The following ZNF680 variants were observed in gnomAD, a reference collection of about 807,000 sequenced individuals.
The protein encoded by ZNF680 is hypothetical protein FLJ90430.
ZNF680 carries 6 observed loss-of-function variants against 12.1 expected under a neutral mutation model. The observed-to-expected ratio is 0.49, with a 90% confidence interval of 0.27 to 0.98. The LOEUF is 0.98. Among genes scored for constraint, ZNF680 ranks in the 50% least tolerant of loss-of-function variants. The pLI, the probability that ZNF680 is intolerant of heterozygous loss-of-function variation, is 0.12. For missense variants in ZNF680, 561 were observed against 616.3 expected (o/e 0.91, Z 0.95); for synonymous variants, 170 against 199.3 (o/e 0.85, Z 1.24).
chr7:64,524,352 A>C (rs1477797138), intron 3 of ZNF680, among the ~76,000 whole-genome samples: 3 of 151,114 alleles, frequency 2.0e-5, no homozygotes, highest in Admixed American at 2.0e-4. Context: ...TTTCACTCAA[A>C]CTCCTGACCT....
At chr7:64,501,509 C>T in the ZNF680 span, 2 of 793,206 alleles carry the variant, frequency 2.5e-6, no homozygotes, top group Non-Finnish European at 4.4e-6. Flanking sequence ...AGATGAAGAA[C>T]GGTAAGTGAG....
chr7:64,501,412 A>G, the ZNF680 span: 2 of 1,099,772 alleles, frequency 1.8e-6, no homozygotes, highest in African/African-American at 3.1e-5. Flanking sequence ...GGCCATTAAG[A>G]AGGAACTGAC....
At chr7:64,504,482 T>C in the ZNF680 span, among the ~76,000 whole-genome samples, 4 of 152,258 alleles carry the variant, frequency 2.6e-5, no homozygotes, top group Non-Finnish European at 5.9e-5. Context: ...TTTAACTGTT[T>C]CTGATTTATC....
intron 1 of ZNF680, among the ~76,000 whole-genome samples, chr7:64,548,530 T>C (rs535827785): frequency 6.6e-6 from 1 of 152,326 alleles, no homozygotes; most frequent in South Asian, 2.1e-4. Flanking sequence ...TTTATCTATT[T>C]GAGTCTCCAG....
intron 3 of ZNF680, among the ~76,000 whole-genome samples, chr7:64,534,706 G>A (rs1048585091): frequency 1.3e-5 from 2 of 152,140 alleles, no homozygotes; most frequent in African/African-American, 4.8e-5. Context: ...AAAGATACTT[G>A]CACACGCATG....
chr7:64,504,184 CA>C, the ZNF680 span, among the ~76,000 whole-genome samples: 1 of 152,118 alleles, frequency 6.6e-6, no homozygotes, highest in Non-Finnish European at 1.5e-5. Flanking sequence ...TTAAAAGTTG[CA>C]TTTTAAATAA....
chr7:64,510,228 T>TA, the ZNF680 span, among the ~76,000 whole-genome samples: 62 of 146,754 alleles, frequency 4.2e-4, 1 homozygote, highest in East Asian at 6.1e-4. Context: ...AAATACGTAA[T>TA]AAAAAAAAAA....
At chr7:64,499,578 A>T in the ZNF680 span, among the ~76,000 whole-genome samples, 1 of 152,160 alleles carries the variant, frequency 6.6e-6, no homozygotes, top group Non-Finnish European at 1.5e-5. Flanking sequence ...CATCATAGCG[A>T]AACCCCATCT....
chr7:64,507,027 C>T, the ZNF680 span, among the ~76,000 whole-genome samples: 1 of 152,106 alleles, frequency 6.6e-6, no homozygotes, highest in Non-Finnish European at 1.5e-5. Context: ...TTCCCTAAGA[C>T]ATGACTTTTT....
intron 1 of ZNF680, among the ~76,000 whole-genome samples, chr7:64,546,542 G>A (rs1014321534): frequency 1.3e-5 from 2 of 152,158 alleles, no homozygotes; most frequent in African/African-American, 4.8e-5. Flanking sequence ...AGGAATTCGA[G>A]ACCAGCCTGG....
chr7:64,561,073 T>C (rs1787708857), intron 1 of ZNF680: 1 of 152,380 alleles, frequency 6.6e-6, no homozygotes, highest in Non-Finnish European at 1.5e-5. Flanking sequence ...ATCCAGAAAT[T>C]ATTTCTATGT....
the ZNF680 span, among the ~76,000 whole-genome samples, chr7:64,503,913 T>G: frequency 2.6e-5 from 4 of 152,198 alleles, no homozygotes; most frequent in African/African-American, 9.6e-5. Flanking sequence ...AAAAACACAC[T>G]AAAAAAATCA....
chr7:64,508,120 A>AAT, the ZNF680 span, among the ~76,000 whole-genome samples: 1 of 69,236 alleles, frequency 1.4e-5, no homozygotes, highest in Admixed American at 1.5e-4. Context: ...TATATTTTAA[A>AAT]ATGTATATAT....
chr7:64,543,968 T>G, intron 2 of ZNF680, 166 bp from the exon 3 acceptor site: 1 of 701,722 alleles, frequency 1.4e-6, no homozygotes, highest in Non-Finnish European at 2.2e-6. Context: ...TTTAAATTTT[T>G]AGGTCTTTAA....
the ZNF680 span, among the ~76,000 whole-genome samples, chr7:64,507,021 C>G: frequency 6.6e-6 from 1 of 152,064 alleles, no homozygotes; most frequent in Non-Finnish European, 1.5e-5. Context: ...ATATTTTTCC[C>G]TAAGACATGA....
At chr7:64,511,974 A>G in the ZNF680 span, among the ~76,000 whole-genome samples, 6 of 151,054 alleles carry the variant, frequency 4.0e-5, no homozygotes, top group African/African-American at 1.5e-4. Flanking sequence ...CAGGAGAATC[A>G]CTTGACCCTG....
downstream of ZNF680, among the ~76,000 whole-genome samples, chr7:64,518,422 C>T (rs1169401738): frequency 3.3e-5 from 5 of 151,924 alleles, no homozygotes; most frequent in East Asian, 5.8e-4. Flanking sequence ...AAATCACGGA[C>T]GACACAAACG....
chr7:64,540,179 C>G (rs979105354), intron 3 of ZNF680, among the ~76,000 whole-genome samples: 1 of 151,906 alleles, frequency 6.6e-6, no homozygotes, highest in Non-Finnish European at 1.5e-5. Context: ...GATCGGACAA[C>G]CATTGAAAAT....
chr7:64,545,263 CAA>C (rs532422147), intron 1 of ZNF680, among the ~76,000 whole-genome samples: 805 of 89,024 alleles, frequency 9.0e-3, no homozygotes, highest in Middle Eastern at 0.023. Context: ...GACTCCATCT[CAA>C]AAAAAAAAAA....
Sources: gnomAD v4.1 joint callset for allele counts (sites outside exome capture counted in the v4.1 genomes callset) on GRCh38, gnomAD v4.1.1 for gene constraint, MANE v1.5 for transcripts, NCBI Gene and HGNC (gene_info 2026-07-23, HGNC 2026-07-21) for gene names.